Variants in LIPI observed in about 807,000 individuals in gnomAD.
LIPI encodes lipase member I.
A neutral mutation model predicts 50.6 loss-of-function variants in LIPI; 59 were observed. The ratio of observed to expected loss-of-function variants is 1.16; its 90% confidence interval spans 0.94 to 1.45. The LOEUF is 1.45. Ranked by LOEUF, LIPI falls within the 40% of genes most tolerant of loss-of-function variation. LIPI has a pLI of 0.00. For synonymous variants in LIPI, 203 were observed against 178.2 expected, an observed-to-expected ratio of 1.14 and a Z score of -1.11; for missense variants, 586 against 536.3, an observed-to-expected ratio of 1.09 and a Z score of -0.92.
intron 4 of LIPI, among the ~76,000 whole-genome samples, chr21:14,175,561 C>T (rs1466906983): frequency 6.6e-6 from 1 of 151,956 alleles, no homozygotes; most frequent in Non-Finnish European, 1.5e-5. Context: ...ACATTTTAAT[C>T]TTTTCATTTG....
At chr21:14,139,533 A>G (rs377625408) in intron 9 of LIPI, among the ~76,000 whole-genome samples, 17 of 152,264 alleles carry the variant, frequency 1.1e-4, no homozygotes, top group African/African-American at 3.1e-4. Flanking sequence ...GGCACTTGAA[A>G]TAAGTCTTTG....
chr21:14,202,986 AG>A (rs2020110749), intron 1 of LIPI, among the ~76,000 whole-genome samples: 2 of 147,734 alleles, frequency 1.4e-5, no homozygotes, highest in Non-Finnish European at 3.1e-5. Context: ...CAAATTTACA[AG>A]AAAAAAACAA....
chr21:14,200,916 A>C (rs1040681227), intron 1 of LIPI, among the ~76,000 whole-genome samples: 1 of 152,160 alleles, frequency 6.6e-6, no homozygotes, highest in Non-Finnish European at 1.5e-5. Flanking sequence ...ACAAAAGCAG[A>C]CACATAAACC....
intron 1 of LIPI, among the ~76,000 whole-genome samples, chr21:14,208,523 C>T (rs1257868616): frequency 1.3e-5 from 2 of 152,158 alleles, no homozygotes; most frequent in Non-Finnish European, 2.9e-5. Context: ...ATGTTTTTTA[C>T]ATGTTTAAAT....
In LIPI at chr21:14,112,350, G is replaced by GT. The variant is rs540113605; in HGVS notation, c.1296-3271dup. Among the ~76,000 whole-genome samples, 123 of 151,570 alleles carry GT rather than the reference G, an allele frequency of 8.1e-4. 1 individual carries two copies. The East Asian group carries it at 0.013, about 16-fold the overall frequency. On this transcript the variant is annotated intron_variant, in intron 9 of 9. Transcript: ENST00000681601. ...TTTGTGGTTTCATACAAATTTTAAG[G>GT]TTTTTTTTCTATTTCAATGGAGAAT...
rs144758307 is a variant in LIPI, at chr21:14,175,152, C to T, written c.643+6606G>A. 5.4e-3 allele frequency among the ~76,000 whole-genome samples: 815 copies of T among 152,214 alleles called. 7 individuals are homozygous for T. Among genetic ancestry groups the T allele is most frequent in the Middle Eastern group, 0.024 (7 of 294 alleles). On this transcript the variant is annotated intron_variant, in intron 4 of 9. Coordinates refer to ENST00000681601, the MANE Select transcript of LIPI (RefSeq NM_001302998.2). ...GTTCAAACTATGAACATTTTGAACACATATATTAATGCATATGTGAAGGTA... is the reference window on the plus strand; with the variant it reads ...GTTCAAACTATGAACATTTTGAACATATATATTAATGCATATGTGAAGGTA...
intron 4 of LIPI, among the ~76,000 whole-genome samples, chr21:14,170,713 C>T (rs955585427): frequency 6.6e-6 from 1 of 151,810 alleles, no homozygotes; most frequent in Non-Finnish European, 1.5e-5. Flanking sequence ...TGGGATGTAT[C>T]TCAAAATAAT....
chr21:14,184,750 G>A (rs921364373), intron 3 of LIPI, among the ~76,000 whole-genome samples: 2 of 152,184 alleles, frequency 1.3e-5, no homozygotes, highest in African/African-American at 4.8e-5. Context: ...TTGAGCAAGT[G>A]TGGTTTTGGA....
intron 9 of LIPI, among the ~76,000 whole-genome samples, chr21:14,110,917 A>G (rs1439740373): frequency 6.7e-6 from 1 of 148,210 alleles, no homozygotes; most frequent in African/African-American, 2.5e-5. Context: ...TATATTTTTA[A>G]TATATATAGT....
rs2020347628 is a variant in LIPI, at chr21:14,210,946, G to C, written c.-101C>G. 1 of 1,073,694 alleles carries C rather than the reference G, an allele frequency of 9.3e-7. No homozygotes were observed. Among genetic ancestry groups the C allele is most frequent in the Non-Finnish European group, 1.1e-6 (1 of 880,562 alleles). 66.5% of individuals were successfully genotyped at this position (1,073,694 alleles called of 1,614,324 possible). On this transcript the variant is annotated 5_prime_UTR_variant, in exon 1 of 10. Transcript: ENST00000681601. Reference sequence around the variant, plus strand: ...TGGTAGGATCATCACAGGCTGGCAGGTTCTTCTGTAAAAGTTCACTGATTT... The same window carrying C: ...TGGTAGGATCATCACAGGCTGGCAGCTTCTTCTGTAAAAGTTCACTGATTT...
At chr21:14,149,507 G>A (rs980206800) in intron 8 of LIPI, among the ~76,000 whole-genome samples, 1 of 152,074 alleles carries the variant, frequency 6.6e-6, no homozygotes, top group Non-Finnish European at 1.5e-5. Flanking sequence ...GTCCCCCAAA[G>A]TCTTAACTCA....
chr21:14,163,578 T>C, intron 6 of LIPI, 55 bp from the exon 7 acceptor site: 1 of 857,216 alleles, frequency 1.2e-6, no homozygotes. Context: ...ATAACAAAAA[T>C]GTCAAATCAC....
In LIPI at chr21:14,152,665, A is replaced by G; in HGVS notation, c.1026T>C (p.Ser342=). 1 of 1,488,812 alleles carries G rather than the reference A, an allele frequency of 6.7e-7. No homozygotes were observed. The highest frequency in any genetic ancestry group is 9.3e-7 in the Non-Finnish European group (1 of 1,069,526). 92.2% of individuals were successfully genotyped at this position (1,488,812 alleles called of 1,614,324 possible). Residue 342 remains serine, a synonymous_variant, in exon 8 of 10, where the codon AGT becomes AGC. Transcript: ENST00000681601. The part of the protein sequence containing the change: ...YPFCTYYFVL[S]IIVPDKTMMD... ...TCATAGTTTTATCTGGAACAATTAT[A>G]CTGAGAACAAAATAATAGGCTACAA...
intron 3 of LIPI, among the ~76,000 whole-genome samples, chr21:14,185,293 A>C: frequency 6.6e-6 from 1 of 152,228 alleles, no homozygotes; most frequent in East Asian, 1.9e-4. Context: ...GAAATGCATC[A>C]AAGTTTGTGA....
At chr21:14,149,293 T>C (rs1162469292) in intron 8 of LIPI, among the ~76,000 whole-genome samples, 3 of 152,106 alleles carry the variant, frequency 2.0e-5, no homozygotes, top group African/African-American at 7.2e-5. Context: ...CTTGAGAACT[T>C]ACTCTCTATC....
chr21:14,125,100 C>T (rs1229944623), intron 9 of LIPI, among the ~76,000 whole-genome samples: 1 of 152,144 alleles, frequency 6.6e-6, no homozygotes, highest in African/African-American at 2.4e-5. Flanking sequence ...AAATTCACTA[C>T]CAGCACTATA....
intron 9 of LIPI, among the ~76,000 whole-genome samples, chr21:14,116,838 G>T (rs1315231183): frequency 6.6e-6 from 1 of 152,152 alleles, no homozygotes; most frequent in Non-Finnish European, 1.5e-5. Flanking sequence ...GACCCACAAA[G>T]TGCAGGCCCA....
At chr21:14,160,149 G>T (rs1322336216) in intron 7 of LIPI, among the ~76,000 whole-genome samples, 1 of 151,274 alleles carries the variant, frequency 6.6e-6, no homozygotes. Context: ...ATATTGAAAT[G>T]TACATACACT....
chr21:14,199,903 CAT>C (rs1010483546), intron 1 of LIPI, among the ~76,000 whole-genome samples: 2 of 152,054 alleles, frequency 1.3e-5, no homozygotes, highest in African/African-American at 4.8e-5. Context: ...GCTTATCCAC[CAT>C]GATCAAGTAG....
Sources: gnomAD v4.1 joint callset for allele counts (sites outside exome capture counted in the v4.1 genomes callset) on GRCh38, gnomAD v4.1.1 for gene constraint, MANE v1.5 for transcripts, NCBI Gene and HGNC (gene_info 2026-07-23, HGNC 2026-07-21) for gene names.